Variants in CCL1 observed in about 807,000 individuals in gnomAD.
The protein encoded by CCL1 is C-C motif chemokine ligand 1.
A neutral mutation model predicts 7.5 loss-of-function variants in CCL1; 9 were observed. That is an observed-to-expected ratio of 1.20 (90% CI 0.72 to 2.09). The LOEUF (loss-of-function observed/expected upper bound fraction) is 2.09. CCL1 is among the 30% of genes most tolerant of loss of function. The probability of loss-of-function intolerance (pLI) is 0.00; values close to 1 mark genes in which losing one functional copy is unlikely to be tolerated. For synonymous variants in CCL1, 48 were observed against 44.7 expected, an observed-to-expected ratio of 1.07 and a Z score of -0.30; for missense variants, 110 against 113.7, an observed-to-expected ratio of 0.97 and a Z score of 0.15.
intron 2 of CCL1, 145 bp downstream of exon 2, chr17:34,361,640 C>CA: frequency 1.6e-6 from 1 of 615,170 alleles, no homozygotes; most frequent in Non-Finnish European, 3.0e-6. Context: ...CTCTAGCGCC[C>CA]AAGTGTGGCT....
chr17:34,361,359 T>C (rs1351517222), intron 2 of CCL1, among the ~76,000 whole-genome samples: 1 of 152,182 alleles, frequency 6.6e-6, no homozygotes, highest in Non-Finnish European at 1.5e-5. Flanking sequence ...CCTTCACAGA[T>C]AAGGAATACA....
intron 1 of CCL1, 83 bp from the exon 2 acceptor site, chr17:34,361,979 A>AC: frequency 1.0e-5 from 8 of 769,988 alleles, no homozygotes; most frequent in East Asian, 3.0e-5. Flanking sequence ...CAAACAAAAA[A>AC]ACGCCTCCCA....
intron 1 of CCL1, 79 bp from the exon 2 acceptor site, chr17:34,361,975 A>C: frequency 2.1e-6 from 2 of 941,572 alleles, no homozygotes; most frequent in Non-Finnish European, 3.3e-6. Flanking sequence ...AAAACAAACA[A>C]AAAAACGCCT....
At position 34,361,790 on chromosome 17, in the gene CCL1, G is replaced by T. The variant is rs1426293913; in HGVS notation, c.183C>A (p.Gly61=). 1 of 1,600,528 alleles carries T rather than the reference G, an allele frequency of 6.2e-7. No homozygotes were observed. The highest frequency in any genetic ancestry group is 1.1e-5 in the South Asian group (1 of 90,810). Residue 61 remains glycine (G), a synonymous_variant, in exon 2 of 3, where the codon GGC becomes GGA. Coordinates refer to ENST00000225842, the MANE Select transcript of CCL1 (RefSeq NM_002981.2). ...RNTSSICSNE[G]LIFKLKRGKE... The stretch of plus-strand genomic sequence containing the variant: ...TTGAGCAGGTGATCACTTACATTAA[G>T]CCCTCATTGGAGCAGATGGAGCTGG...
At chr17:34,361,748 T>C in intron 2 of CCL1, 37 bp downstream of exon 2, 1 of 1,339,160 alleles carries the variant, frequency 7.5e-7, no homozygotes, top group Non-Finnish European at 1.1e-6. Flanking sequence ...GGCGGGGTTC[T>C]GTTCTCTAGG....
At position 34,360,387 on chromosome 17, in the gene CCL1, G is replaced by C; in HGVS notation, c.*172C>G. ...ATCCAAGAGACCCAGAGGGTTGGGG[G>C]TTGATGATTGTATAATTTAAATGTT... On this transcript the variant is annotated 3_prime_UTR_variant, in exon 3 of 3. Transcript: ENST00000225842. The C allele has an allele frequency of 1.7e-6, 1 of 579,516 alleles. No homozygotes were observed. Among genetic ancestry groups the C allele is most frequent in the Admixed American group, 2.9e-5 (1 of 34,908 alleles). The allele number at this position is 579,516 out of a possible 1,614,324, so 35.9% of individuals were successfully genotyped here.
chr17:34,361,896 A>G lies in CCL1; in HGVS notation c.77T>C (p.Met26Thr), dbSNP rs765973747. 1 of 1,590,408 alleles carries G rather than the reference A, an allele frequency of 6.3e-7. No homozygotes were observed. The highest frequency in any genetic ancestry group is 1.1e-5 in the South Asian group (1 of 90,570). ...MWPEDVDSKSMQVPFSRCCFS... is the reference protein window; with the variant it reads ...MWPEDVDSKSTQVPFSRCCFS... ...GCAACATCTGGAGAAGGGTACCTGC[A>G]CTAGAAGAGGAACACAGACGATGGT... Residue 26 changes from methionine to threonine, a missense_variant and splice_region_variant, in exon 2 of 3, where the codon ATG becomes ACG. Met to Thr is a moderately conservative substitution (Grantham distance 81). Transcript: ENST00000225842.
chr17:34,360,728 C>A lies in CCL1; in HGVS notation c.189-67G>T, dbSNP rs1910484548. The A allele has an allele frequency of 4.9e-6, 6 of 1,226,178 alleles. No homozygotes were observed. In the Admixed American group the frequency reaches 6.7e-5, roughly 14 times the overall value. 76.0% of individuals were successfully genotyped at this position (1,226,178 alleles called of 1,614,324 possible). A position where few individuals can be genotyped will look rare whatever the true frequency, so the allele number is the denominator to read the frequency against. ...CACCACTGGGTGGGCAACGCACAAGCCCCGCCTCCTCCGGCTGCCAGGTCC... is the reference window on the plus strand; with the variant it reads ...CACCACTGGGTGGGCAACGCACAAGACCCGCCTCCTCCGGCTGCCAGGTCC... On this transcript the variant is annotated intron_variant, in intron 2 of 2. Coordinates refer to ENST00000225842, the MANE Select transcript of CCL1 (RefSeq NM_002981.2).
Position 34,360,496 on chromosome 17 carries a change from T to C in CCL1, c.*63A>G. 1 of 1,215,714 alleles carries C rather than the reference T, an allele frequency of 8.2e-7. No homozygotes were observed. The highest frequency in any genetic ancestry group is 1.2e-6 in the Non-Finnish European group (1 of 816,288). 75.3% of individuals were successfully genotyped at this position (1,215,714 alleles called of 1,614,324 possible). A position where few individuals can be genotyped will look rare whatever the true frequency, so the allele number is the denominator to read the frequency against. ...CAGGGCAGAAGGAATGGTGTAGGGC[T>C]GGTAGTTTCGGGGACAGGTGAAGCC... On this transcript the variant is annotated 3_prime_UTR_variant, in exon 3 of 3. Coordinates refer to ENST00000225842, the MANE Select transcript of CCL1 (RefSeq NM_002981.2).
At chr17:34,361,043 TTGTG>T (rs138529852) in intron 2 of CCL1, among the ~76,000 whole-genome samples, 1 of 151,172 alleles carries the variant, frequency 6.6e-6, no homozygotes, top group African/African-American at 2.4e-5. Context: ...ACTCATGTGT[TTGTG>T]TGTGTGTGTG....
chr17:34,361,828 A>G lies in CCL1; in HGVS notation c.145T>C (p.Cys49Arg). The G allele has an allele frequency of 2.5e-6, 4 of 1,613,558 alleles. No individual in the cohort carries two copies. The highest frequency in any genetic ancestry group is 3.4e-6 in the Non-Finnish European group (4 of 1,179,496). The change falls in exon 2 of 3, where the codon TGT becomes CGT. Residue 49 changes from cysteine to arginine, a missense_variant. Coordinates refer to ENST00000225842, the MANE Select transcript of CCL1 (RefSeq NM_002981.2). Reference protein sequence around the residue: ...EQEIPLRAILCYRNTSSICSN... With the variant: ...EQEIPLRAILRYRNTSSICSN... ...CAGATGGAGCTGGTATTTCTGTAAC[A>G]CAGGATTGCCCTCAGGGGAATCTCT...
chr17:34,362,968 G>T, intron 1 of CCL1, 118 bp downstream of exon 1: 1 of 872,180 alleles, frequency 1.1e-6, no homozygotes, highest in Non-Finnish European at 1.8e-6. Flanking sequence ...TCCTCTTTAG[G>T]TAGGAAGAGG....
At chr17:34,362,492 T>C (rs950647982) in intron 1 of CCL1, among the ~76,000 whole-genome samples, 1 of 151,876 alleles carries the variant, frequency 6.6e-6, no homozygotes, top group African/African-American at 2.4e-5. Flanking sequence ...ACCCCCACTC[T>C]GTCCATTTGT....
Position 34,361,829 on chromosome 17 carries a change from C to T in CCL1, c.144G>A (p.Leu48=). Reference sequence around the variant, plus strand: ...AGATGGAGCTGGTATTTCTGTAACACAGGATTGCCCTCAGGGGAATCTCTT... The same window carrying T: ...AGATGGAGCTGGTATTTCTGTAACATAGGATTGCCCTCAGGGGAATCTCTT... ...AEQEIPLRAI[L]CYRNTSSICS... The change falls in exon 2 of 3, where the codon CTG becomes CTA. Residue 48 remains leucine, a synonymous_variant. Coordinates refer to ENST00000225842, the MANE Select transcript of CCL1 (RefSeq NM_002981.2). 6.2e-7 allele frequency: 1 copy of T among 1,613,526 alleles called. No individual in the cohort carries two copies. The highest frequency in any genetic ancestry group is 8.5e-7 in the Non-Finnish European group (1 of 1,179,476).
intron 1 of CCL1, among the ~76,000 whole-genome samples, chr17:34,362,813 C>T (rs535091795): frequency 4.6e-5 from 7 of 152,136 alleles, no homozygotes; most frequent in South Asian, 4.2e-4. Context: ...CAGCTTTACC[C>T]GAGTAACCTC....
chr17:34,361,519 G>A (rs933812939), intron 2 of CCL1, among the ~76,000 whole-genome samples: 2 of 152,176 alleles, frequency 1.3e-5, no homozygotes, highest in Non-Finnish European at 2.9e-5. Context: ...AAACCTCTGA[G>A]CTCATAATGC....
At chr17:34,361,995 A>C in intron 1 of CCL1, 99 bp from the exon 2 acceptor site, 2 of 748,024 alleles carry the variant, frequency 2.7e-6, no homozygotes, top group South Asian at 3.3e-5. Context: ...TCCCAGGACA[A>C]GCCCTGGCTT....
chr17:34,362,475 G>T (rs572735546), intron 1 of CCL1, among the ~76,000 whole-genome samples: 66 of 152,014 alleles, frequency 4.3e-4, no homozygotes, highest in African/African-American at 1.5e-3. Flanking sequence ...CTCTTTCCCA[G>T]CCCCCAACCC....
intron 1 of CCL1, among the ~76,000 whole-genome samples, chr17:34,362,659 G>A (rs966185682): frequency 6.6e-6 from 1 of 152,108 alleles, no homozygotes; most frequent in Admixed American, 6.6e-5. Flanking sequence ...CCATTTCACT[G>A]ATAGAGAAAG....
Sources: gnomAD v4.1 joint callset for allele counts (sites outside exome capture counted in the v4.1 genomes callset) on GRCh38, gnomAD v4.1.1 for gene constraint, MANE v1.5 for transcripts, NCBI Gene and HGNC (gene_info 2026-07-23, HGNC 2026-07-21) for gene names.